The following CSMD3 variants were observed in gnomAD, a reference collection of about 807,000 sequenced individuals.
CSMD3 encodes the protein CUB and Sushi multiple domains 3.
In CSMD3, 177 loss-of-function variants were observed where a neutral mutation model predicts 435.2. That is an observed-to-expected ratio of 0.41 (90% CI 0.36 to 0.46). The LOEUF is 0.46. CSMD3 is among the 20% of genes least tolerant of loss of function. The pLI is 0.34. For synonymous variants in CSMD3, 1,656 were observed against 1,520.5 expected, an observed-to-expected ratio of 1.09 and a Z score of -2.07; for missense variants, 4,265 against 4,504.6, an observed-to-expected ratio of 0.95 and a Z score of 1.52.
intron 22 of CSMD3, among the ~76,000 whole-genome samples, chr8:112,632,389 A>C (rs2074540080): frequency 6.6e-6 from 1 of 152,056 alleles, no homozygotes; most frequent in African/African-American, 2.4e-5. Flanking sequence ...AAGGTCAAAT[A>C]AAAAAATCAA....
At chr8:112,685,792 T>G in intron 14 of CSMD3, 60 bp from the exon 15 acceptor site, 1 of 1,046,982 alleles carries the variant, frequency 9.6e-7, no homozygotes, top group Non-Finnish European at 1.5e-6. Context: ...TTTCATCTTA[T>G]TTTGTCATAT....
intron 35 of CSMD3, 128 bp from the exon 36 acceptor site, chr8:112,390,916 T>G: frequency 1.1e-6 from 1 of 881,408 alleles, no homozygotes; most frequent in Non-Finnish European, 1.8e-6. Flanking sequence ...TTTTCAAAAC[T>G]GATAAAAGCA....
intron 2 of CSMD3, among the ~76,000 whole-genome samples, chr8:113,299,252 A>G (rs1229227293): frequency 6.6e-6 from 1 of 152,212 alleles, no homozygotes; most frequent in East Asian, 1.9e-4. Context: ...AATGTAGAAT[A>G]TTTAATAATT....
intron 11 of CSMD3, 125 bp from the exon 12 acceptor site, chr8:112,829,914 CACACACACACACAA>C (rs2079816431): frequency 8.0e-6 from 5 of 623,498 alleles, no homozygotes; most frequent in Admixed American, 5.0e-5. Flanking sequence ...CACACACACA[CACACACACACACAA>C]GCAGTTCAAT....
chr8:112,367,916 A>G (rs1449333849), intron 38 of CSMD3, among the ~76,000 whole-genome samples: 1 of 152,190 alleles, frequency 6.6e-6, no homozygotes. Flanking sequence ...TTAAGGGTTT[A>G]CTATATAACT....
intron 27 of CSMD3, among the ~76,000 whole-genome samples, chr8:112,522,175 C>G (rs746709096): frequency 6.6e-6 from 1 of 151,604 alleles, no homozygotes; most frequent in Non-Finnish European, 1.5e-5. Context: ...CCACTAAAAA[C>G]AAATAACTGT....
chr8:112,430,896 A>T (rs200322909), intron 32 of CSMD3, among the ~76,000 whole-genome samples: 2 of 148,588 alleles, frequency 1.3e-5, no homozygotes, highest in African/African-American at 5.0e-5. Flanking sequence ...TTGTGTGTAT[A>T]TGTGTGTGTG....
chr8:112,734,536 C>CAG (rs1398437491), intron 13 of CSMD3, among the ~76,000 whole-genome samples: 1 of 151,840 alleles, frequency 6.6e-6, no homozygotes, highest in Non-Finnish European at 1.5e-5. Context: ...ACTTTTGTCT[C>CAG]AGAGAAATGA....
At chr8:112,869,319 C>G (rs1483107112) in intron 10 of CSMD3, among the ~76,000 whole-genome samples, 3 of 152,166 alleles carry the variant, frequency 2.0e-5, no homozygotes, top group African/African-American at 7.2e-5. Context: ...GCACTGAAAA[C>G]TCTATATCTA....
chr8:112,786,530 A>G (rs1236823212), intron 13 of CSMD3, among the ~76,000 whole-genome samples: 1 of 152,066 alleles, frequency 6.6e-6, no homozygotes, highest in African/African-American at 2.4e-5. Flanking sequence ...ACAAAGGCTT[A>G]ACAACTAGAA....
At chr8:112,920,186 G>A (rs1372050941) in intron 10 of CSMD3, among the ~76,000 whole-genome samples, 2 of 151,832 alleles carry the variant, frequency 1.3e-5, no homozygotes, top group Non-Finnish European at 2.9e-5. Flanking sequence ...GTTCATCTGA[G>A]GAAAGGTGAT....
At chr8:112,302,835 C>A (rs4876463) in intron 52 of CSMD3, among the ~76,000 whole-genome samples, 28,555 of 150,728 alleles carry the variant, frequency 0.19, 3,141 homozygotes, top group Middle Eastern at 0.34. Context: ...CATTTGAGGT[C>A]GCTATTAATA....
chr8:112,231,425 T>A, intron 69 of CSMD3, 120 bp downstream of exon 69: 4 of 751,840 alleles, frequency 5.3e-6, no homozygotes, highest in Non-Finnish European at 9.7e-6. Flanking sequence ...CAATGCATAG[T>A]TCTGGCAGTA....
chr8:113,374,638 A>G (rs1000267965), intron 1 of CSMD3, among the ~76,000 whole-genome samples: 1 of 152,000 alleles, frequency 6.6e-6, no homozygotes, highest in African/African-American at 2.4e-5. Flanking sequence ...TTTCAAATCC[A>G]ACATCGATAT....
intron 1 of CSMD3, among the ~76,000 whole-genome samples, chr8:113,359,211 A>G (rs1210279303): frequency 1.3e-5 from 2 of 152,178 alleles, no homozygotes; most frequent in African/African-American, 4.8e-5. Flanking sequence ...TCCATGACGT[A>G]TTTACTTCTC....
At position 113,018,865 on chromosome 8, in the gene CSMD3, A is replaced by G. The variant is rs2086573818; in HGVS notation, c.1030+202T>C. 5.2e-6 allele frequency: 3 copies of G among 580,296 alleles called. No individual in the cohort carries two copies. The East Asian group carries it at 8.7e-5, about 17-fold the overall frequency. 35.9% of individuals were successfully genotyped at this position (580,296 alleles called of 1,614,324 possible). ...AGAAATCATAATATTCATTATTCTG[A>G]ATATTATACTATAAAATCAACTAAC... On this transcript the variant is annotated intron_variant, in intron 6 of 70. Coordinates refer to ENST00000297405, the MANE Select transcript of CSMD3 (RefSeq NM_198123.2).
chr8:112,609,201 C>CAAAAAAAAAAAAAAAAAAAAAAAAAA (rs71566035), intron 22 of CSMD3, among the ~76,000 whole-genome samples: 3 of 43,106 alleles, frequency 7.0e-5, no homozygotes, highest in African/African-American at 9.5e-5. Flanking sequence ...GATACTGCCT[C>CAAAAAAAAAAAAAAAAAAAAAAAAAA]AAAAAAAAAA....
At chr8:112,830,739 T>G (rs577377629) in intron 11 of CSMD3, among the ~76,000 whole-genome samples, 1 of 151,800 alleles carries the variant, frequency 6.6e-6, no homozygotes, top group African/African-American at 2.4e-5. Flanking sequence ...TAAAAATAAT[T>G]AAAAATAAAG....
At chr8:113,032,571 T>C (rs991668931) in intron 5 of CSMD3, among the ~76,000 whole-genome samples, 4 of 151,598 alleles carry the variant, frequency 2.6e-5, no homozygotes, top group African/African-American at 9.7e-5. Flanking sequence ...ACATTTAATA[T>C]GAATTCATAA....
Sources: gnomAD v4.1 joint callset for allele counts (sites outside exome capture counted in the v4.1 genomes callset) on GRCh38, gnomAD v4.1.1 for gene constraint, MANE v1.5 for transcripts, NCBI Gene and HGNC (gene_info 2026-07-23, HGNC 2026-07-21) for gene names.